KDM4C: variants seen among roughly 807,000 people sequenced by gnomAD.
KDM4C encodes the protein lysine-specific demethylase 4C.
Under a neutral mutation model 129.3 loss-of-function variants are expected in KDM4C, and 81 were observed. The ratio of observed to expected loss-of-function variants is 0.63; its 90% CI spans 0.52 to 0.75. The LOEUF (loss-of-function observed/expected upper bound fraction) is 0.75. Among genes scored for constraint, KDM4C ranks in the 30% least tolerant of loss-of-function variants. The probability of loss-of-function intolerance (pLI) is 0.00; values close to 1 mark genes in which losing one functional copy is unlikely to be tolerated. For missense variants in KDM4C, 1,457 were observed against 1,304.0 expected (o/e 1.12, Z -1.81); for synonymous variants, 573 against 456.1 (o/e 1.26, Z -3.26).
intron 1 of KDM4C, among the ~76,000 whole-genome samples, chr9:6,774,808 A>G (rs1022369679): frequency 2.0e-5 from 3 of 152,204 alleles, no homozygotes; most frequent in Admixed American, 6.5e-5. Context: ...TCACCCAGAT[A>G]TCACTGTATG....
chr9:7,134,589 C>G (rs1000341559), intron 19 of KDM4C, among the ~76,000 whole-genome samples: 1 of 152,312 alleles, frequency 6.6e-6, no homozygotes, highest in East Asian at 1.9e-4. Context: ...AGCTTGAATT[C>G]TCCTATTTCA....
chr9:7,076,853 A>G, intron 17 of KDM4C: 1 of 1,002,084 alleles, frequency 1.0e-6, no homozygotes, highest in Non-Finnish European at 1.2e-6. Flanking sequence ...AAGCTTTCCA[A>G]GGTGCATCAG....
chr9:6,925,381 A>C, intron 8 of KDM4C: 1 of 985,162 alleles, frequency 1.0e-6, no homozygotes, highest in Non-Finnish European at 1.2e-6. Flanking sequence ...TCTCTTTGTA[A>C]ATTAAAAGCT....
chr9:6,908,523 G>T (rs762368617), intron 8 of KDM4C, among the ~76,000 whole-genome samples: 1 of 152,252 alleles, frequency 6.6e-6, no homozygotes, highest in South Asian at 2.1e-4. Context: ...TCCACGGAAG[G>T]ACCCCACCTG....
chr9:6,776,384 C>T (rs1033872812), intron 1 of KDM4C, among the ~76,000 whole-genome samples: 3 of 152,126 alleles, frequency 2.0e-5, no homozygotes, highest in Non-Finnish European at 4.4e-5. Flanking sequence ...GCCTCAGCCT[C>T]CCGAGAAGCT....
In KDM4C at chr9:6,896,488, T is replaced by A. The variant is rs193144980; in HGVS notation, c.921+3256T>A. On this transcript the variant is annotated intron_variant, in intron 8 of 21. Transcript: ENST00000381309. ...ACACTATGAAATATATATATATATA[T>A]AAAAATATAATTTTGTGTAATACAA... 2.0e-3 allele frequency among the ~76,000 whole-genome samples: 299 copies of A among 150,748 alleles called. 1 individual carries two copies. The highest frequency in any genetic ancestry group is 7.0e-3 in the Middle Eastern group (2 of 286).
chr9:6,959,818 C>T (rs530540600), intron 8 of KDM4C, among the ~76,000 whole-genome samples: 10 of 152,130 alleles, frequency 6.6e-5, no homozygotes, highest in African/African-American at 2.4e-4. Context: ...AAAGGAAATG[C>T]CTGTCAACTT....
chr9:6,866,096 G>T (rs1841920232), intron 5 of KDM4C, among the ~76,000 whole-genome samples: 1 of 151,640 alleles, frequency 6.6e-6, no homozygotes, highest in Admixed American at 6.6e-5. Flanking sequence ...TGTTGAACAG[G>T]CTGGTCTCGG....
intron 8 of KDM4C, among the ~76,000 whole-genome samples, chr9:6,940,319 G>A (rs1046105114): frequency 6.6e-6 from 1 of 152,108 alleles, no homozygotes; most frequent in African/African-American, 2.4e-5. Context: ...TTGATTACAG[G>A]TGTGAGCCAC....
At chr9:7,052,172 A>G (rs1830240778) in intron 17 of KDM4C, among the ~76,000 whole-genome samples, 1 of 152,184 alleles carries the variant, frequency 6.6e-6, no homozygotes, top group Admixed American at 6.5e-5. Context: ...TCAAATCCAA[A>G]TTTCTTTTTT....
At chr9:6,778,768 C>T (rs1404606933) in intron 1 of KDM4C, among the ~76,000 whole-genome samples, 1 of 150,586 alleles carries the variant, frequency 6.6e-6, no homozygotes, top group Admixed American at 6.6e-5. Flanking sequence ...CTCTGTGTCA[C>T]AGTGTTACAT....
intron 1 of KDM4C, among the ~76,000 whole-genome samples, chr9:6,765,047 C>T (rs1042384762): frequency 3.3e-5 from 5 of 152,174 alleles, no homozygotes; most frequent in Non-Finnish European, 7.3e-5. Context: ...ATCCGCTTGT[C>T]TCCACCTCCA....
intron 8 of KDM4C, among the ~76,000 whole-genome samples, chr9:6,897,317 T>G (rs1032434383): frequency 6.6e-6 from 1 of 152,186 alleles, no homozygotes; most frequent in Non-Finnish European, 1.5e-5. Flanking sequence ...CCATCCCTGT[T>G]TCTAATATTC....
At chr9:6,788,074 C>T (rs1429393976) in intron 1 of KDM4C, among the ~76,000 whole-genome samples, 2 of 152,154 alleles carry the variant, frequency 1.3e-5, no homozygotes. Context: ...TGTTCTTCTT[C>T]CAGATATCTG....
chr9:7,113,988 C>G (rs1221718981), intron 18 of KDM4C, among the ~76,000 whole-genome samples: 1 of 152,172 alleles, frequency 6.6e-6, no homozygotes, highest in African/African-American at 2.4e-5. Context: ...TTACCCATAT[C>G]TTAAAGCCCT....
chr9:6,960,841 C>G (rs1265327879), intron 8 of KDM4C, among the ~76,000 whole-genome samples: 1 of 128,096 alleles, frequency 7.8e-6, no homozygotes, highest in African/African-American at 3.0e-5. Flanking sequence ...CAGGCATTCT[C>G]AAATATCCCC....
chr9:6,989,206 A>C (rs143711650), intron 11 of KDM4C, among the ~76,000 whole-genome samples: 1 of 152,160 alleles, frequency 6.6e-6, no homozygotes, highest in South Asian at 2.1e-4. Flanking sequence ...TTTGATTACA[A>C]TGGTCTTACA....
At chr9:6,839,781 A>C (rs1232857094) in intron 4 of KDM4C, among the ~76,000 whole-genome samples, 1 of 151,972 alleles carries the variant, frequency 6.6e-6, no homozygotes, top group East Asian at 2.0e-4. Context: ...ATGTGCCTGT[A>C]ATCCCAGCTA....
At chr9:7,159,839 G>A (rs1326729742) in intron 19 of KDM4C, among the ~76,000 whole-genome samples, 1 of 152,082 alleles carries the variant, frequency 6.6e-6, no homozygotes, top group South Asian at 2.1e-4. Context: ...GAGTATCTTT[G>A]TGGTGTTCTC....
Sources: allele counts gnomAD v4.1 joint callset (sites outside exome capture counted in the v4.1 genomes callset), GRCh38; gene constraint gnomAD v4.1.1; transcripts MANE v1.5; gene names NCBI Gene and HGNC (gene_info 2026-07-23, HGNC 2026-07-21).